Variants in SHTN1 observed in about 807,000 individuals in gnomAD.
SHTN1 encodes the protein shootin-1.
Under a neutral mutation model 83.1 loss-of-function variants are expected in SHTN1, and 42 were observed. That is an observed-to-expected ratio of 0.51 (90% CI 0.39 to 0.65). The LOEUF (loss-of-function observed/expected upper bound fraction) is 0.65. Among genes scored for constraint, SHTN1 ranks in the 30% least tolerant of loss-of-function variants. The probability of loss-of-function intolerance (pLI) is 0.00; values close to 1 mark genes in which losing one functional copy is unlikely to be tolerated. For missense variants in SHTN1, 622 were observed against 737.8 expected, an observed-to-expected ratio of 0.84 and a Z score of 1.82; for synonymous variants, 224 against 247.7, an observed-to-expected ratio of 0.90 and a Z score of 0.90.
At chr10:116,911,904 G>A in intron 13 of SHTN1, 61 bp from the exon 14 acceptor site, 1 of 1,202,124 alleles carries the variant, frequency 8.3e-7, no homozygotes, top group Non-Finnish European at 1.2e-6. Flanking sequence ...ACTAAACAAT[G>A]ATTTTTACAT....
At chr10:116,895,980 C>T (rs1781663073) in intron 16 of SHTN1, among the ~76,000 whole-genome samples, 1 of 152,134 alleles carries the variant, frequency 6.6e-6, no homozygotes, top group African/African-American at 2.4e-5. Context: ...CCCTCAATCC[C>T]CAAACTGGAA....
chr10:117,009,400 A>G (rs1305926434), upstream of SHTN1, among the ~76,000 whole-genome samples: 1 of 152,126 alleles, frequency 6.6e-6, no homozygotes, highest in Non-Finnish European at 1.5e-5. Context: ...TGATCTAACT[A>G]TATGATGTCT....
At chr10:116,985,296 C>G (rs1851182439) in intron 1 of SHTN1, among the ~76,000 whole-genome samples, 1 of 152,102 alleles carries the variant, frequency 6.6e-6, no homozygotes, top group Non-Finnish European at 1.5e-5. Flanking sequence ...CCCCATTTTA[C>G]AAACAAAGAC....
intron 2 of SHTN1, among the ~76,000 whole-genome samples, chr10:117,045,482 C>T (rs10886031): frequency 0.65 from 99,136 of 151,980 alleles, 36,121 homozygotes; most frequent in Middle Eastern, 0.84. Context: ...TAATACAAGG[C>T]AATTACATAT....
intron 3 of SHTN1, among the ~76,000 whole-genome samples, chr10:116,962,680 G>A (rs1425800145): frequency 6.6e-6 from 1 of 152,120 alleles, no homozygotes; most frequent in Non-Finnish European, 1.5e-5. Flanking sequence ...GTAAAAAGGT[G>A]CCCTGTGATT....
upstream of SHTN1, chr10:117,005,238 T>A (rs964009628): frequency 6.7e-6 from 10 of 1,488,580 alleles, no homozygotes; most frequent in African/African-American, 1.3e-4. Context: ...AGCGCGCGAG[T>A]GAGATCATCC....
intron 1 of SHTN1, among the ~76,000 whole-genome samples, chr10:117,101,229 C>T (rs1853587216): frequency 2.6e-5 from 4 of 152,136 alleles, no homozygotes; most frequent in Admixed American, 2.6e-4. Flanking sequence ...GAGAAAACAC[C>T]TTATATAACA....
chr10:116,925,109 T>C (rs182449667), intron 11 of SHTN1, among the ~76,000 whole-genome samples: 118 of 152,292 alleles, frequency 7.7e-4, no homozygotes, highest in African/African-American at 2.6e-3. Flanking sequence ...GATAGTTATT[T>C]TGTGTGTCAA....
chr10:116,886,522 T>G lies in SHTN1; in HGVS notation c.1718A>C (p.Glu573Ala), dbSNP rs368223618. The change falls in exon 17 of 17, where the codon GAA (glutamate) becomes GCA (alanine). Residue 573 changes from glutamate (E) to alanine (A), a missense_variant. Transcript: ENST00000355371. ...IGCRKKYIDG[E>A]KQAEPVVVLD... ...AACTACAACTGGTTCGGCTTGTTTT[T>G]CACCGTCAATGTATTTTTTCCTGCA... The G allele has an allele frequency of 4.5e-5, 72 of 1,614,188 alleles. No homozygotes were observed. In the African/African-American group the frequency reaches 8.1e-4, roughly 18 times the overall value.
intron 2 of SHTN1, among the ~76,000 whole-genome samples, chr10:117,032,140 G>C (rs1298194180): frequency 6.6e-6 from 1 of 152,118 alleles, no homozygotes; most frequent in Admixed American, 6.5e-5. Flanking sequence ...GACAAAAATT[G>C]TAAGAACAGA....
intron 4 of SHTN1, among the ~76,000 whole-genome samples, chr10:116,958,127 A>G (rs1009879479): frequency 1.3e-5 from 2 of 152,196 alleles, no homozygotes; most frequent in African/African-American, 4.8e-5. Context: ...ATTTGTCATT[A>G]ATTTGATGGC....
intron 15 of SHTN1, among the ~76,000 whole-genome samples, chr10:116,903,711 G>A (rs887360863): frequency 6.6e-6 from 1 of 152,104 alleles, no homozygotes; most frequent in Admixed American, 6.5e-5. Context: ...GGTAAGCGTT[G>A]ACTACAATAC....
chr10:116,924,744 C>CTTTTTTT (rs1564879304), intron 11 of SHTN1, among the ~76,000 whole-genome samples: 1 of 133,668 alleles, frequency 7.5e-6, no homozygotes, highest in African/African-American at 2.9e-5. Context: ...GAATTTTCAC[C>CTTTTTTT]TATTTTTTTT....
chr10:116,904,344 C>T (rs1394102134), intron 15 of SHTN1, among the ~76,000 whole-genome samples: 1 of 152,122 alleles, frequency 6.6e-6, no homozygotes, highest in Non-Finnish European at 1.5e-5. Flanking sequence ...GTAAAAGCCA[C>T]CTCTAGTTTG....
chr10:116,945,271 A>G (rs1235071999), intron 7 of SHTN1, among the ~76,000 whole-genome samples: 1 of 152,210 alleles, frequency 6.6e-6, no homozygotes, highest in Admixed American at 6.5e-5. Flanking sequence ...GTAACACATG[A>G]GCATATACAG....
At chr10:117,109,824 A>T (rs1214795032) in intron 1 of SHTN1, among the ~76,000 whole-genome samples, 1 of 151,816 alleles carries the variant, frequency 6.6e-6, no homozygotes, top group Non-Finnish European at 1.5e-5. Flanking sequence ...TCGGCCTCCC[A>T]AAGTTGTATT....
intron 1 of SHTN1, among the ~76,000 whole-genome samples, chr10:117,059,373 G>T (rs1852869080): frequency 6.6e-6 from 1 of 152,110 alleles, no homozygotes; most frequent in Admixed American, 6.6e-5. Context: ...TTATTCCAAA[G>T]AAATGAATAC....
At chr10:116,895,101 T>A (rs1211682202) in intron 16 of SHTN1, among the ~76,000 whole-genome samples, 1 of 152,216 alleles carries the variant, frequency 6.6e-6, no homozygotes, top group Non-Finnish European at 1.5e-5. Context: ...ATAAAATGTA[T>A]TTGGTGCTTT....
At chr10:116,917,922 C>T (rs1021750479) in intron 12 of SHTN1, among the ~76,000 whole-genome samples, 6 of 152,174 alleles carry the variant, frequency 3.9e-5, no homozygotes, top group South Asian at 2.1e-4. Context: ...ACAAGAGCAA[C>T]GCTAGGTTAG....
Sources: allele counts gnomAD v4.1 joint callset (sites outside exome capture counted in the v4.1 genomes callset), GRCh38; gene constraint gnomAD v4.1.1; transcripts MANE v1.5; gene names NCBI Gene and HGNC (gene_info 2026-07-23, HGNC 2026-07-21).